The following RORA variants were observed in gnomAD, a reference collection of about 807,000 sequenced individuals.
RORA encodes nuclear receptor ROR-alpha.
Under a neutral mutation model 69.5 loss-of-function variants are expected in RORA, and 7 were observed. The observed-to-expected ratio is 0.10, with a 90% confidence interval of 0.06 to 0.19. The LOEUF (loss-of-function observed/expected upper bound fraction) is 0.19, where lower values mean the gene tolerates loss of function less well. Among genes scored for constraint, RORA ranks in the 10% least tolerant of loss-of-function variants. RORA has a pLI of 1.00. For synonymous variants in RORA, 261 were observed against 240.8 expected (o/e 1.08, Z -0.78); for missense variants, 457 against 663.0 (o/e 0.69, Z 3.41).
chr15:60,713,277 T>C (rs1370751438), intron 1 of RORA, among the ~76,000 whole-genome samples: 2 of 152,208 alleles, frequency 1.3e-5, no homozygotes, highest in Non-Finnish European at 2.9e-5. Flanking sequence ...AGTCTGAGGC[T>C]GAAGAGGTCA....
chr15:60,893,443 C>A lies in RORA; in HGVS notation c.167-214757G>T, dbSNP rs574593801. Among the ~76,000 whole-genome samples the A allele has an allele frequency of 4.6e-5, 7 of 152,292 alleles. No homozygotes were observed. The East Asian group carries it at 1.3e-3, about 29-fold the overall frequency. ...AAGGGTTTCTGGACAACCAAACCCC[C>A]ACTCCGCGCCCCTGCGAAACTCCTC... On this transcript the variant is annotated intron_variant, in intron 1 of 10. Transcript: ENST00000335670.
chr15:61,033,221 C>A (rs1376682567), intron 1 of RORA, among the ~76,000 whole-genome samples: 1 of 152,064 alleles, frequency 6.6e-6, no homozygotes, highest in African/African-American at 2.4e-5. Flanking sequence ...AGAGGCAAAG[C>A]GGGTCTTCCA....
Position 61,173,273 on chromosome 15 carries a change from C to A in RORA, c.166+55780G>T, listed in dbSNP as rs569718920. The stretch of plus-strand genomic sequence containing the variant: ...GCAGCTTGAAAGTGGTGGTACAAAT[C>A]TAAAATCCAGATCTGTCTTCAAAGT... On this transcript the variant is annotated intron_variant, in intron 1 of 10. Coordinates refer to ENST00000335670, the MANE Select transcript of RORA (RefSeq NM_134261.3). Among the ~76,000 whole-genome samples, 39 of 152,282 alleles carry A rather than the reference C, an allele frequency of 2.6e-4. 1 individual carries two copies. In the South Asian group the frequency reaches 5.4e-3, roughly 21 times the overall value.
At chr15:60,560,451 T>G (rs2067498879) in intron 2 of RORA, among the ~76,000 whole-genome samples, 1 of 152,024 alleles carries the variant, frequency 6.6e-6, no homozygotes, top group Non-Finnish European at 1.5e-5. Context: ...CCCAGCACTT[T>G]GGGAAGCCAA....
In RORA at chr15:60,592,791, C is replaced by T. The variant is rs763557940; in HGVS notation, c.197-60940G>A. The T allele has an allele frequency of 6.5e-4, 460 of 708,002 alleles. 3 individuals are homozygous for T. The highest frequency in any genetic ancestry group is 2.5e-4 in the Non-Finnish European group (122 of 480,748). The allele number at this position is 708,002 out of a possible 1,614,324, so 43.9% of individuals were successfully genotyped here. The stretch of plus-strand genomic sequence containing the variant: ...CCCTCGCCCGGGCGCCCGCCTTCCC[C>T]TCGCCTTCGGGATCACCTGTGGCCG... On this transcript the variant is annotated intron_variant, in intron 2 of 10. Coordinates refer to ENST00000335670, the MANE Select transcript of RORA (RefSeq NM_134261.3).
At chr15:60,776,991 G>A (rs1331418352) in intron 1 of RORA, among the ~76,000 whole-genome samples, 2 of 152,182 alleles carry the variant, frequency 1.3e-5, no homozygotes, top group South Asian at 2.1e-4. Flanking sequence ...GTATTTGTCT[G>A]TTTATCTTCA....
At chr15:60,776,723 TC>T (rs1231195591) in intron 1 of RORA, among the ~76,000 whole-genome samples, 1 of 151,716 alleles carries the variant, frequency 6.6e-6, no homozygotes, top group Non-Finnish European at 1.5e-5. Context: ...TTGTAAAGAG[TC>T]CTTAAATCTT....
intron 1 of RORA, among the ~76,000 whole-genome samples, chr15:60,762,119 G>C (rs565081330): frequency 6.6e-6 from 1 of 152,152 alleles, no homozygotes; most frequent in African/African-American, 2.4e-5. Flanking sequence ...AGAAAAAGAA[G>C]CATCTAGAAT....
rs750139390 is a variant in RORA, at chr15:61,063,869, G to A, written c.166+165184C>T. ...GCCAGCATTGCAGAATAGAGAGCAC[G>A]TTTGGCCTAGCTACTGAAACTGGGA... On this transcript the variant is annotated intron_variant, in intron 1 of 10. Transcript: ENST00000335670. 5.9e-5 allele frequency among the ~76,000 whole-genome samples: 9 copies of A among 152,196 alleles called. 1 individual carries two copies. The highest frequency in any genetic ancestry group is 1.3e-4 in the Non-Finnish European group (9 of 68,032).
chr15:60,560,771 A>AT (rs1170333025), intron 2 of RORA, among the ~76,000 whole-genome samples: 2 of 152,180 alleles, frequency 1.3e-5, no homozygotes, highest in Admixed American at 6.5e-5. Flanking sequence ...CAATTTGTCC[A>AT]TTTTTTCCCA....
rs66787641 is a variant in RORA, at chr15:60,531,131, T to C, written c.282+635A>G. On this transcript the variant is annotated intron_variant, in intron 3 of 10. Transcript: ENST00000335670. The surrounding 1 kb of genome is among the most constrained non-coding windows in gnomAD (Gnocchi z 4.8). ...AATACTGATAATATTTAGAGTTAAA[T>C]AGCACTTTTCTGTTTGTAAGGACTT... is the stretch of plus-strand genomic sequence containing the variant. 0.1 allele frequency: 15,318 copies of C among 152,404 alleles called. 885 individuals carry two copies. The highest frequency in any genetic ancestry group is 0.2 in the Middle Eastern group (58 of 294). 9.4% of individuals were successfully genotyped at this position (152,404 alleles called of 1,614,324 possible).
intron 1 of RORA, among the ~76,000 whole-genome samples, chr15:60,889,155 T>C (rs891546926): frequency 2.6e-5 from 4 of 152,214 alleles, no homozygotes; most frequent in African/African-American, 9.6e-5. Context: ...ACCATTATCC[T>C]GGCTGCAGCT....
chr15:60,908,153 T>C (rs1891599235), intron 1 of RORA, among the ~76,000 whole-genome samples: 1 of 152,212 alleles, frequency 6.6e-6, no homozygotes, highest in Admixed American at 6.5e-5. Flanking sequence ...AGTTGATCCA[T>C]GCTGGTGAGG....
intron 1 of RORA, among the ~76,000 whole-genome samples, chr15:60,680,465 A>C (rs1051244347): frequency 1.4e-4 from 22 of 151,838 alleles, no homozygotes; most frequent in Admixed American, 4.6e-4. Context: ...TGACGATTAC[A>C]TTGATAATAG....
At chr15:60,889,233 G>A (rs978572701) in intron 1 of RORA, among the ~76,000 whole-genome samples, 2 of 152,116 alleles carry the variant, frequency 1.3e-5, no homozygotes, top group Non-Finnish European at 2.9e-5. Context: ...CCAGCACCAC[G>A]CCCAGCACAG....
intron 1 of RORA, among the ~76,000 whole-genome samples, chr15:60,928,822 G>A (rs1391743087): frequency 6.6e-6 from 1 of 152,212 alleles, no homozygotes; most frequent in Non-Finnish European, 1.5e-5. Flanking sequence ...AATGCACAGA[G>A]CTCTAGGCAC....
chr15:61,174,640 G>A (rs149758901), intron 1 of RORA, among the ~76,000 whole-genome samples: 1 of 152,108 alleles, frequency 6.6e-6, no homozygotes, highest in African/African-American at 2.4e-5. Context: ...CTTATCAACC[G>A]CTCTCATACA....
intron 1 of RORA, among the ~76,000 whole-genome samples, chr15:61,179,183 C>T (rs2079659271): frequency 6.6e-6 from 1 of 152,236 alleles, no homozygotes; most frequent in Non-Finnish European, 1.5e-5. Context: ...TTTAGCACAG[C>T]AGTTCCCACA....
intron 1 of RORA, among the ~76,000 whole-genome samples, chr15:60,834,630 A>G (rs1289056933): frequency 2.0e-5 from 3 of 152,240 alleles, no homozygotes; most frequent in East Asian, 3.9e-4. Context: ...GCAAACACCA[A>G]CTGAAGGATA....
Sources: allele counts gnomAD v4.1 joint callset (sites outside exome capture counted in the v4.1 genomes callset), GRCh38; gene constraint gnomAD v4.1.1; non-coding constraint Gnocchi (gnomAD v3.1); transcripts MANE v1.5; gene names NCBI Gene and HGNC (gene_info 2026-07-23, HGNC 2026-07-21).